GLI3: variants seen among roughly 807,000 people sequenced by gnomAD.
GLI3 encodes the protein GLI family zinc finger 3.
GLI3 carries 20 observed loss-of-function variants against 100.8 expected under a neutral mutation model. The observed-to-expected ratio is 0.20, with a 90% CI of 0.14 to 0.29. GLI3 has a LOEUF of 0.29. Among genes scored for constraint, GLI3 ranks in the 10% least tolerant of loss-of-function variants. The pLI, the probability that GLI3 is intolerant of heterozygous loss-of-function variation, is 1.00. For synonymous variants in GLI3, 938 were observed against 860.5 expected (o/e 1.09, Z -1.58); for missense variants, 2,040 against 2,128.5 (o/e 0.96, Z 0.82).
At chr7:42,098,499 TC>T (rs1276374813) in intron 3 of GLI3, among the ~76,000 whole-genome samples, 1 of 152,100 alleles carries the variant, frequency 6.6e-6, no homozygotes, top group African/African-American at 2.4e-5. Flanking sequence ...CTGAGGCAGT[TC>T]CCCAGAATAA....
chr7:41,990,509 T>A lies in GLI3; in HGVS notation c.1498-11761A>T, dbSNP rs539414286. On this transcript the variant is annotated intron_variant, in intron 10 of 14. Coordinates refer to ENST00000395925, the MANE Select transcript of GLI3 (RefSeq NM_000168.6). ...TCCCTCCACATCACTGAAGTCTGAT[T>A]CTGAACATTAGAACAATCAGCTCTT... 5.3e-5 allele frequency among the ~76,000 whole-genome samples: 8 copies of A among 152,346 alleles called. No individual in the cohort carries two copies. In the East Asian group the frequency reaches 1.5e-3, roughly 29 times the overall value.
chr7:41,972,103 T>C lies in GLI3; in HGVS notation c.2103+234A>G, dbSNP rs1787377757. On this transcript the variant is annotated intron_variant, in intron 13 of 14. Transcript: ENST00000395925. This position sits in a 1 kb window ranked among gnomAD's most constrained non-coding sequence, Gnocchi z 4.4. ...GACAGTCGTGTCTTTCTTCCTTCCA[T>C]GGCACAGTGGTATGGTTCTGGGAGG... is the stretch of plus-strand genomic sequence containing the variant. Among the ~76,000 whole-genome samples, 1 of 152,154 alleles carries C rather than the reference T, an allele frequency of 6.6e-6. No individual in the cohort carries two copies.
At chr7:42,224,000 G>A (rs768902150) in intron 1 of GLI3, among the ~76,000 whole-genome samples, 2 of 152,228 alleles carry the variant, frequency 1.3e-5, no homozygotes, top group East Asian at 1.9e-4. Context: ...GTTGAAAGGT[G>A]CCTTAGCAAA....
At chr7:42,222,511 A>G (rs1788505092) in intron 2 of GLI3, among the ~76,000 whole-genome samples, 1 of 152,214 alleles carries the variant, frequency 6.6e-6, no homozygotes, top group African/African-American at 2.4e-5. Context: ...CCATGCTTGA[A>G]CTGAAATGCC....
intron 10 of GLI3, among the ~76,000 whole-genome samples, chr7:42,014,678 G>A (rs1256956464): frequency 6.6e-6 from 1 of 152,008 alleles, no homozygotes; most frequent in African/African-American, 2.4e-5. Context: ...CCACTGTCCT[G>A]CTTGTACATC....
chr7:42,237,820 C>T (rs1192597114), upstream of GLI3: 1 of 151,630 alleles, frequency 6.6e-6, no homozygotes, highest in Non-Finnish European at 1.5e-5. Flanking sequence ...GCGCCGGGAG[C>T]CCCCGCTTCT....
At chr7:42,264,086 T>C (rs1483192630) in exon 1 of GLI3, among the ~76,000 whole-genome samples, 1 of 152,176 alleles carries the variant, frequency 6.6e-6, no homozygotes, top group Non-Finnish European at 1.5e-5. Flanking sequence ...TGTCCAGGCA[T>C]CCAGCAGCAC....
chr7:42,153,546 G>T (rs1011431916), intron 2 of GLI3, among the ~76,000 whole-genome samples: 4 of 150,092 alleles, frequency 2.7e-5, no homozygotes, highest in African/African-American at 9.8e-5. Flanking sequence ...AAAATGAAGG[G>T]AGGATGGGGC....
rs1452471645 is a variant in GLI3 at position 42,170,287 on chromosome 7, T to TATATATATATATATATACACACAC, written c.125-21820_125-21819insGTGTGTGTATATATATATATATAT. Among the ~76,000 whole-genome samples, 6 of 124,002 alleles carry TATATATATATATATATACACACAC rather than the reference T, an allele frequency of 4.8e-5. No individual in the cohort carries two copies. The South Asian group carries it at 1.5e-3, about 32-fold the overall frequency. The allele number at this position is 124,002 out of a possible 152,430, so 81.4% of individuals were successfully genotyped here. On this transcript the variant is annotated intron_variant, in intron 2 of 14. Coordinates refer to ENST00000395925, the MANE Select transcript of GLI3 (RefSeq NM_000168.6). ...AAAATTATATATATATATATATATATACACACACATATGTATATATTTAAA... is the reference window on the plus strand; with the variant it reads ...AAAATTATATATATATATATATATATATATATATATATATATACACACACACACACACATATGTATATATTTAAA...
At chr7:42,131,550 T>C (rs1484088993) in intron 3 of GLI3, among the ~76,000 whole-genome samples, 1 of 152,206 alleles carries the variant, frequency 6.6e-6, no homozygotes, top group Non-Finnish European at 1.5e-5. Flanking sequence ...TCCACAACCA[T>C]AATGCTGTAG....
intron 2 of GLI3, among the ~76,000 whole-genome samples, chr7:42,170,528 G>A (rs377275381): frequency 3.4e-5 from 5 of 147,958 alleles, no homozygotes; most frequent in South Asian, 4.4e-4. Context: ...TCAGCCTCCC[G>A]AGTAGCTGGG....
At chr7:42,081,391 A>G (rs1044345862) in intron 3 of GLI3, among the ~76,000 whole-genome samples, 5 of 152,122 alleles carry the variant, frequency 3.3e-5, no homozygotes, top group African/African-American at 1.2e-4. Context: ...AAGAGTGTGC[A>G]CTCTCCCAGG....
At chr7:42,122,056 T>C (rs991621994) in intron 3 of GLI3, among the ~76,000 whole-genome samples, 1 of 152,036 alleles carries the variant, frequency 6.6e-6, no homozygotes, top group Non-Finnish European at 1.5e-5. Flanking sequence ...TCAGAGAACA[T>C]GCAAACAAGT....
At chr7:42,050,413 A>G (rs1784331110) in intron 4 of GLI3, among the ~76,000 whole-genome samples, 1 of 152,252 alleles carries the variant, frequency 6.6e-6, no homozygotes, top group African/African-American at 2.4e-5. Flanking sequence ...GCTCTTTACT[A>G]CAAAACAAGT....
intron 4 of GLI3, among the ~76,000 whole-genome samples, chr7:42,066,456 T>C (rs1784676783): frequency 6.6e-6 from 1 of 152,002 alleles, no homozygotes; most frequent in Admixed American, 6.6e-5. Flanking sequence ...GGTTAAAAGA[T>C]GGGGAAAGGT....
Position 42,090,342 on chromosome 7 carries a change from G to A in GLI3, c.368-13485C>T, listed in dbSNP as rs1785191279. ...TAAAGTGACTGTACTATGACGTTATGATAGCCACAATGTCACTAGGTGATA... is the reference window on the plus strand; with the variant it reads ...TAAAGTGACTGTACTATGACGTTATAATAGCCACAATGTCACTAGGTGATA... On this transcript the variant is annotated intron_variant, in intron 3 of 14. Transcript: ENST00000395925. Among the ~76,000 whole-genome samples, 6 of 152,264 alleles carry A rather than the reference G, an allele frequency of 3.9e-5. No homozygotes were observed. In the South Asian group the frequency reaches 1.2e-3, roughly 32 times the overall value.
At chr7:42,238,025 T>A (rs376561464), upstream of GLI3, among the ~76,000 whole-genome samples, 4 of 108,928 alleles carry the variant, frequency 3.7e-5, no homozygotes, top group African/African-American at 1.9e-4. Context: ...TCCTCCTCCT[T>A]CTCCTCCTCC....
At chr7:42,007,450 A>G (rs960003368) in intron 10 of GLI3, among the ~76,000 whole-genome samples, 4 of 152,186 alleles carry the variant, frequency 2.6e-5, no homozygotes, top group African/African-American at 9.7e-5. Context: ...CTTCAGGTTA[A>G]GAGTTAGGGC....
chr7:42,126,614 C>A (rs1786138752), intron 3 of GLI3, among the ~76,000 whole-genome samples: 1 of 152,214 alleles, frequency 6.6e-6, no homozygotes, highest in African/African-American at 2.4e-5. Context: ...AAACAACAAT[C>A]TGAGTTTCCT....
Sources: gnomAD v4.1 joint callset for allele counts (sites outside exome capture counted in the v4.1 genomes callset) on GRCh38, gnomAD v4.1.1 for gene constraint, Gnocchi (gnomAD v3.1) non-coding constraint, MANE v1.5 for transcripts, NCBI Gene and HGNC (gene_info 2026-07-23, HGNC 2026-07-21) for gene names.